Variants in PLA2G4F observed in about 807,000 individuals in gnomAD.
PLA2G4F encodes phospholipase A2 group IVF, also known as cytosolic phospholipase A2 zeta.
PLA2G4F carries 105 observed loss-of-function variants against 103.1 expected under a neutral mutation model. That is an observed-to-expected ratio of 1.02 (90% CI 0.87 to 1.20). The LOEUF (loss-of-function observed/expected upper bound fraction) is 1.20. Ranked by LOEUF, PLA2G4F falls within the 50% of genes most tolerant of loss-of-function variation. PLA2G4F has a pLI of 0.00. For missense variants in PLA2G4F, 1,155 were observed against 1,075.9 expected (o/e 1.07, Z -1.03); for synonymous variants, 468 against 441.1 (o/e 1.06, Z -0.76).
intron 11 of PLA2G4F, chr15:42,149,260 A>G (rs1356561675): frequency 2.5e-6 from 2 of 794,452 alleles, no homozygotes; most frequent in Non-Finnish European, 3.0e-6. Context: ...GAGTAAGGGT[A>G]GGGCCTTCAA....
chr15:42,150,185 T>C (rs376603960), intron 9 of PLA2G4F, 44 bp from the exon 10 acceptor site: 10 of 1,612,944 alleles, frequency 6.2e-6, no homozygotes, highest in Middle Eastern at 1.6e-4. Flanking sequence ...CTGGGCAGGA[T>C]TCTCCCAGGG....
chr15:42,156,372 TCA>T, intron 1 of PLA2G4F, 65 bp downstream of exon 1: 1 of 1,359,224 alleles, frequency 7.4e-7, no homozygotes, highest in Non-Finnish European at 1.0e-6. Flanking sequence ...GTCTCAGTCT[TCA>T]CAGGGCACTG....
rs1210233364 is a variant in PLA2G4F, at chr15:42,154,174, TCGC to T, written c.365_367del (p.Ser122_Asp123delinsAsn). The T allele has an allele frequency of 6.2e-7, 1 of 1,614,054 alleles. No homozygotes were observed. The highest frequency in any genetic ancestry group is 2.2e-5 in the East Asian group (1 of 44,888). ...GTCAAACAGGAGCAGAGAGAGCTGG[TCGC>T]TGCCCAGGATGTCCTTGTCATAGAG... On this transcript the variant is annotated inframe_deletion, in exon 4 of 20. Transcript: ENST00000397272.
Position 42,150,505 on chromosome 15 carries a change from C to A in PLA2G4F, c.772-19G>T. 6.2e-7 allele frequency: 1 copy of A among 1,607,738 alleles called. No homozygotes were observed. The highest frequency in any genetic ancestry group is 8.5e-7 in the Non-Finnish European group (1 of 1,177,276). ...GGCCACTCTGTGGAAAAGAAAACAC[C>A]CAAGAAGCTCTCCAGCAGGGAAGAA... On this transcript the variant is annotated intron_variant, in intron 8 of 19. Transcript: ENST00000397272.
intron 2 of PLA2G4F, 104 bp downstream of exon 2, chr15:42,155,413 T>C: frequency 1.7e-6 from 2 of 1,187,376 alleles, no homozygotes; most frequent in Non-Finnish European, 2.5e-6. Flanking sequence ...TACTCACCCA[T>C]GTATACTCTT....
chr15:42,152,734 G>A lies in PLA2G4F; in HGVS notation c.555C>T (p.Ile185=). 6.4e-7 allele frequency: 1 copy of A among 1,557,184 alleles called. No individual in the cohort carries two copies. The highest frequency in any genetic ancestry group is 8.7e-7 in the Non-Finnish European group (1 of 1,149,796). Residue 185 remains isoleucine, a synonymous_variant, in exon 7 of 20, where the codon ATC becomes ATT. Transcript: ENST00000397272. ...TCCCATCTCCCCGGAGCGTGCCCTG[G>A]ATTCTCAGACAGGGGTGAGCCTGAG... ...GVLVAHPCLR[I]QGTLRGDGTA...
chr15:42,156,311 C>T, intron 1 of PLA2G4F, 128 bp downstream of exon 1: 1 of 649,768 alleles, frequency 1.5e-6, no homozygotes, highest in Non-Finnish European at 2.6e-6. Flanking sequence ...TCTGCCAGGT[C>T]ATCTAGAATA....
intron 2 of PLA2G4F, among the ~76,000 whole-genome samples, chr15:42,154,789 G>A (rs911944580): frequency 6.6e-6 from 1 of 152,144 alleles, no homozygotes; most frequent in African/African-American, 2.4e-5. Context: ...CTGAGAGCGC[G>A]TGCTGACTTG....
rs781323955 is a variant in PLA2G4F, at chr15:42,149,735, C to T, written c.1037G>A (p.Ser346Asn). The T allele has an allele frequency of 3.1e-6, 5 of 1,614,234 alleles. No homozygotes were observed. The highest frequency in any genetic ancestry group is 4.5e-5 in the East Asian group (2 of 44,878). Residue 346 changes from serine (S) to asparagine (N), a missense_variant, in exon 11 of 20, where the codon AGT (serine) becomes AAT (asparagine). Coordinates refer to ENST00000397272, the MANE Select transcript of PLA2G4F (RefSeq NM_213600.4). Reference sequence around the variant, plus strand: ...TACCTGGCCACTGTCCAGAGCCTCACTCAATCCCAGCACTTGCTGCAGGGC... The same window carrying T: ...TACCTGGCCACTGTCCAGAGCCTCATTCAATCCCAGCACTTGCTGCAGGGC... ...SKALQQVLGLSEALDSGQVPV... is the reference protein window; with the variant it reads ...SKALQQVLGLNEALDSGQVPV...
At chr15:42,148,823 T>C in intron 11 of PLA2G4F, 1 of 985,402 alleles carries the variant, frequency 1.0e-6, no homozygotes, top group Non-Finnish European at 1.2e-6. Flanking sequence ...TCTTTTCGTC[T>C]CCTGTCTTGA....
chr15:42,152,540 G>T, intron 7 of PLA2G4F, 148 bp downstream of exon 7: 1 of 836,776 alleles, frequency 1.2e-6, no homozygotes, highest in South Asian at 1.5e-5. Flanking sequence ...GTTGTTCACT[G>T]CCTCCAGTGA....
At chr15:42,148,774 G>A (rs937786377) in intron 11 of PLA2G4F, 2 of 985,246 alleles carry the variant, frequency 2.0e-6, no homozygotes, top group African/African-American at 3.5e-5. Context: ...AGTAAGATTT[G>A]GCTCATTCCA....
At chr15:42,150,191 C>G in intron 9 of PLA2G4F, 50 bp from the exon 10 acceptor site, 1 of 1,612,692 alleles carries the variant, frequency 6.2e-7, no homozygotes, top group Non-Finnish European at 8.5e-7. Context: ...AGGATTCTCC[C>G]AGGGAAATGG....
chr15:42,148,832 G>GA (rs2048921781), intron 11 of PLA2G4F: 1 of 985,204 alleles, frequency 1.0e-6, no homozygotes, highest in Non-Finnish European at 1.2e-6. Context: ...CTCCTGTCTT[G>GA]AAAAAATGCT....
intron 3 of PLA2G4F, 31 bp from the exon 4 acceptor site, chr15:42,154,251 A>AT (rs780267602): frequency 6.2e-7 from 1 of 1,614,084 alleles, no homozygotes; most frequent in Non-Finnish European, 8.5e-7. Flanking sequence ...AGGTCCGAGC[A>AT]TGAGGTAGGA....
chr15:42,147,605 C>T, intron 12 of PLA2G4F, 21 bp downstream of exon 12: 1 of 1,613,054 alleles, frequency 6.2e-7, no homozygotes, highest in Non-Finnish European at 8.5e-7. Context: ...TTACCCTGTG[C>T]CCTGCCCCCA....
Position 42,144,036 on chromosome 15 carries a change from G to A in PLA2G4F, c.2084C>T (p.Pro695Leu), listed in dbSNP as rs1195893190. Residue 695 changes from proline to leucine, a missense_variant, in exon 18 of 20, where the codon CCT (proline) becomes CTT (leucine). Pro to Leu is a moderately conservative substitution (Grantham distance 98). Coordinates refer to ENST00000397272, the MANE Select transcript of PLA2G4F (RefSeq NM_213600.4). ...CAGAATGAGGTCCACTGCTCTCTGA[G>A]GCAGCAGAGCCAGTGGGAACGGAGA... Reference protein sequence around the residue: ...INSPFPLALLPQRAVDLILSF... With the variant: ...INSPFPLALLLQRAVDLILSF... 1 of 1,613,960 alleles carries A rather than the reference G, an allele frequency of 6.2e-7. No homozygotes were observed. The highest frequency in any genetic ancestry group is 8.5e-7 in the Non-Finnish European group (1 of 1,180,002).
In PLA2G4F at chr15:42,142,571, G is replaced by C; in HGVS notation, c.2286C>G (p.His762Gln). The change falls in exon 19 of 20, where the codon CAC (histidine) becomes CAG (glutamine). Residue 762 changes from histidine (H) to glutamine (Q), a missense_variant. Transcript: ENST00000397272. ...GGAAGGTACGGTTAACCAGGGGGAA[G>C]TGCAGCACAATGGGGGAGCGGGGGT... is the stretch of plus-strand genomic sequence containing the variant. The part of the protein sequence containing the change: ...AEDPRSPIVL[H>Q]FPLVNRTFRT... The C allele has an allele frequency of 6.2e-7, 1 of 1,614,104 alleles. No homozygotes were observed.
Position 42,139,054 on chromosome 15 carries a change from G to A in PLA2G4F, c.*2930C>T, listed in dbSNP as rs1317766803. On this transcript the variant is annotated 3_prime_UTR_variant, in exon 20 of 20. Transcript: ENST00000397272. ...AGGTATGCAGTGTAAGAGCAGCTAGGGGACTGCCCAGCTCAAGTGGCCAAA... is the reference window on the plus strand; with the variant it reads ...AGGTATGCAGTGTAAGAGCAGCTAGAGGACTGCCCAGCTCAAGTGGCCAAA... 1 of 152,230 alleles carries A rather than the reference G, an allele frequency of 6.6e-6. No homozygotes were observed. The highest frequency in any genetic ancestry group is 1.5e-5 in the Non-Finnish European group (1 of 68,062). The allele number at this position is 152,230 out of a possible 1,614,324, so 9.4% of individuals were successfully genotyped here. A position where few individuals can be genotyped will look rare whatever the true frequency, so the allele number is the denominator to read the frequency against.
Sources: gnomAD v4.1 joint callset for allele counts (sites outside exome capture counted in the v4.1 genomes callset) on GRCh38, gnomAD v4.1.1 for gene constraint, MANE v1.5 for transcripts, NCBI Gene and HGNC (gene_info 2026-07-23, HGNC 2026-07-21) for gene names.